GPATCH1: variants seen among roughly 807,000 people sequenced by gnomAD.
The protein encoded by GPATCH1 is G patch domain-containing protein 1.
Under a neutral mutation model 114.9 loss-of-function variants are expected in GPATCH1, and 73 were observed. That is an observed-to-expected ratio of 0.64 (90% CI 0.53 to 0.77). The LOEUF (loss-of-function observed/expected upper bound fraction) is 0.77, where lower values mean the gene tolerates loss of function less well. GPATCH1 is among the 30% of genes least tolerant of loss of function. The probability of loss-of-function intolerance (pLI) is 0.00; values close to 1 mark genes in which losing one functional copy is unlikely to be tolerated. For synonymous variants in GPATCH1, 391 were observed against 428.4 expected, an observed-to-expected ratio of 0.91 and a Z score of 1.08; for missense variants, 1,058 against 1,144.3, an observed-to-expected ratio of 0.92 and a Z score of 1.09.
chr19:33,130,421 T>C lies in GPATCH1; in HGVS notation c.*261T>C, dbSNP rs1458887139. On this transcript the variant is annotated 3_prime_UTR_variant, in exon 20 of 20. Transcript: ENST00000170564. Reference sequence around the variant, plus strand: ...GGAATTTTTCTATTTTCTTCTTGATTTTTAAAAAATTTCCTGGGACGTTAA... The same window carrying C: ...GGAATTTTTCTATTTTCTTCTTGATCTTTAAAAAATTTCCTGGGACGTTAA... The C allele has an allele frequency of 8.3e-6, 3 of 361,908 alleles. No individual in the cohort carries two copies. Among genetic ancestry groups the C allele is most frequent in the Non-Finnish European group, 1.5e-5 (3 of 204,776 alleles). The allele number at this position is 361,908 out of a possible 1,614,324, so 22.4% of individuals were successfully genotyped here. A position where few individuals can be genotyped will look rare whatever the true frequency, so the allele number is the denominator to read the frequency against.
At position 33,093,426 on chromosome 19, in the gene GPATCH1, A is replaced by G. The variant is rs529185780; in HGVS notation, c.362A>G (p.Lys121Arg). The part of the protein sequence containing the change: ...VTTDDFASKT[K>R]DRIREKARQL... ...ACAGACGATTTTGCCTCCAAAACCA[A>G]AGACAGAATACGAGAAAAGGCTAGG... is the stretch of plus-strand genomic sequence containing the variant. Residue 121 changes from lysine to arginine, a missense_variant, in exon 4 of 20, where the codon AAA (lysine) becomes AGA (arginine). Physicochemically the swap from Lys to Arg is conservative, Grantham distance 26. Coordinates refer to ENST00000170564, the MANE Select transcript of GPATCH1 (RefSeq NM_018025.3). 1 of 1,613,988 alleles carries G rather than the reference A, an allele frequency of 6.2e-7. No individual in the cohort carries two copies. The highest frequency in any genetic ancestry group is 1.3e-5 in the African/African-American group (1 of 75,042).
chr19:33,097,693 C>G, intron 7 of GPATCH1, 62 bp from the exon 8 acceptor site: 1 of 1,459,138 alleles, frequency 6.9e-7, no homozygotes, highest in South Asian at 1.2e-5. Flanking sequence ...GTAGCTTTAT[C>G]CCTGAAGATC....
Position 33,093,446 on chromosome 19 carries a change from G to T in GPATCH1, c.382G>T (p.Ala128Ser), listed in dbSNP as rs150894192. ...AACCAAAGACAGAATACGAGAAAAGGCTAGGCAGTTGGCCGCTGCTACTGC... is the reference window on the plus strand; with the variant it reads ...AACCAAAGACAGAATACGAGAAAAGTCTAGGCAGTTGGCCGCTGCTACTGC... ...SKTKDRIREK[A>S]RQLAAATAPI... The change falls in exon 4 of 20, where the codon GCT becomes TCT. Residue 128 changes from alanine to serine, a missense_variant. Ala to Ser is a moderately conservative substitution (Grantham distance 99, BLOSUM62 1). This residue lies in a region of GPATCH1 where 34 missense variants were observed against 59.6 expected (regional missense o/e 0.57). Coordinates refer to ENST00000170564, the MANE Select transcript of GPATCH1 (RefSeq NM_018025.3). 112 of 1,613,802 alleles carry T rather than the reference G, an allele frequency of 6.9e-5. No homozygotes were observed. The highest frequency in any genetic ancestry group is 9.0e-5 in the Non-Finnish European group (106 of 1,179,886).
rs1375943638 is a variant in GPATCH1 at position 33,109,869 on chromosome 19, G to C, written c.1438G>C (p.Ala480Pro). The C allele has an allele frequency of 6.2e-7, 1 of 1,614,172 alleles. No individual in the cohort carries two copies. Among genetic ancestry groups the C allele is most frequent in the East Asian group, 2.2e-5 (1 of 44,882 alleles). ...CAGCAGAGCCCAGCTCTCCCCTGCA[G>C]CGGCTGCTGGGCACTGCTCTTGGAA... ...QSSRAQLSPA[A>P]AAGHCSWNMA... The change falls in exon 11 of 20, where the codon GCG becomes CCG. Residue 480 changes from alanine (A) to proline (P), a missense_variant. Around this residue, in one of 3 missense-constraint regions of GPATCH1, gnomAD observed 893 missense variants for 977.4 expected, o/e 0.91. Transcript: ENST00000170564.
intron 19 of GPATCH1, among the ~76,000 whole-genome samples, chr19:33,128,330 G>A (rs1308335353): frequency 2.0e-5 from 3 of 152,116 alleles, no homozygotes; most frequent in African/African-American, 7.2e-5. Flanking sequence ...GCGCGATCTT[G>A]GCTCACTGCA....
At chr19:33,128,684 C>T (rs916537092) in intron 19 of GPATCH1, among the ~76,000 whole-genome samples, 2 of 146,874 alleles carry the variant, frequency 1.4e-5, no homozygotes, top group African/African-American at 5.4e-5. Flanking sequence ...CTGCTCTTGC[C>T]AGTTTTATCT....
At position 33,117,866 on chromosome 19, in the gene GPATCH1, G is replaced by A. The variant is rs1260939432; in HGVS notation, c.2238G>A (p.Gly746=). ...KDVDAQAEGE[G]SRPSMDLFRA... ...TGGACGCACAGGCTGAAGGAGAAGG[G>A]AGCCGCCCATCCATGGACTTATTCA... Residue 746 remains glycine (G), a synonymous_variant, in exon 16 of 20, where the codon GGG becomes GGA. Transcript: ENST00000170564. 1.9e-6 allele frequency: 3 copies of A among 1,613,818 alleles called. No individual in the cohort carries two copies. The highest frequency in any genetic ancestry group is 2.7e-5 in the African/African-American group (2 of 74,898).
chr19:33,097,721 C>A, intron 7 of GPATCH1, 34 bp from the exon 8 acceptor site: 2 of 1,605,904 alleles, frequency 1.2e-6, no homozygotes, highest in Non-Finnish European at 1.7e-6. Flanking sequence ...TACCCTAACA[C>A]CTGTGCTCAG....
chr19:33,123,489 C>T (rs1973007685), intron 17 of GPATCH1, among the ~76,000 whole-genome samples: 1 of 151,842 alleles, frequency 6.6e-6, no homozygotes, highest in South Asian at 2.1e-4. Context: ...GTAGCTCACA[C>T]ATGTAATCCC....
chr19:33,125,342 C>T, intron 18 of GPATCH1, 140 bp downstream of exon 18: 2 of 916,608 alleles, frequency 2.2e-6, no homozygotes, highest in South Asian at 4.1e-5. Context: ...GAAATGTTGA[C>T]ATTCAATTCA....
At chr19:33,126,377 G>C (rs1399987048) in intron 18 of GPATCH1, among the ~76,000 whole-genome samples, 1 of 152,144 alleles carries the variant, frequency 6.6e-6, no homozygotes, top group Non-Finnish European at 1.5e-5. Flanking sequence ...TCTGTTGCTG[G>C]AGGCGCAGCT....
intron 5 of GPATCH1, 58 bp downstream of exon 5, chr19:33,094,327 T>C: frequency 1.1e-6 from 1 of 905,102 alleles, no homozygotes; most frequent in Non-Finnish European, 1.8e-6. Context: ...TTTTTTTTTT[T>C]TGAGACAGGG....
At chr19:33,083,099 G>A (rs1384983889) in intron 1 of GPATCH1, among the ~76,000 whole-genome samples, 1 of 136,980 alleles carries the variant, frequency 7.3e-6, no homozygotes, top group Admixed American at 7.0e-5. Flanking sequence ...AAATTAGCTG[G>A]GCGTGGTGGG....
In GPATCH1 at chr19:33,117,435, A is replaced by G. The variant is rs375645097; in HGVS notation, c.2197-390A>G. 2.4e-4 allele frequency among the ~76,000 whole-genome samples: 37 copies of G among 152,244 alleles called. 3 individuals are homozygous for G. Among genetic ancestry groups the G allele is most frequent in the African/African-American group, 8.7e-4 (36 of 41,550 alleles). ...TTTGGGGATCCTAGTAGCTGGGATT[A>G]CAGACGCCCACCACCATGCCCAGCT... On this transcript the variant is annotated intron_variant, in intron 15 of 19. Coordinates refer to ENST00000170564, the MANE Select transcript of GPATCH1 (RefSeq NM_018025.3).
In GPATCH1 at chr19:33,094,637, G is replaced by C. The variant is rs201298837; in HGVS notation, c.553+368G>C. Among the ~76,000 whole-genome samples, 19 of 152,276 alleles carry C rather than the reference G, an allele frequency of 1.2e-4. No individual in the cohort carries two copies. The East Asian group carries it at 3.7e-3, about 29-fold the overall frequency. On this transcript the variant is annotated intron_variant, in intron 5 of 19. Coordinates refer to ENST00000170564, the MANE Select transcript of GPATCH1 (RefSeq NM_018025.3). ...ATGCATGACAGCTTCCAGAAAGGCT[G>C]TGCTAGTTTATGCTTCTGCCAGCAG...
intron 19 of GPATCH1, among the ~76,000 whole-genome samples, chr19:33,128,227 G>A (rs948118892): frequency 6.6e-6 from 1 of 151,566 alleles, no homozygotes; most frequent in Non-Finnish European, 1.5e-5. Context: ...AGCTGGGACT[G>A]TAAGTGTGCA....
chr19:33,117,768 C>A, intron 15 of GPATCH1, 57 bp from the exon 16 acceptor site: 1 of 1,213,390 alleles, frequency 8.2e-7, no homozygotes, highest in African/African-American at 1.5e-5. Flanking sequence ...TCTAGAATGT[C>A]TCCTCCCTTT....
chr19:33,106,778 A>C lies in GPATCH1; in HGVS notation c.1164A>C (p.Ser388=), dbSNP rs749417984. 10 of 1,613,972 alleles carry C rather than the reference A, an allele frequency of 6.2e-6. 1 individual carries two copies. In the South Asian group the frequency reaches 1.1e-4, roughly 18 times the overall value. The change falls in exon 10 of 20, where the codon TCA becomes TCC. Residue 388 remains serine (S), a synonymous_variant. Coordinates refer to ENST00000170564, the MANE Select transcript of GPATCH1 (RefSeq NM_018025.3). ...RPMVAATSEN[S]HLLQVLSESA... is the part of the protein sequence containing the mutation. ...TGGTGGCCGCCACCTCCGAGAACTC[A>C]CACTTACTGCAGGTATTATCAGAGT...
At position 33,118,001 on chromosome 19, in the gene GPATCH1, C is replaced by T. The variant is rs1972935720; in HGVS notation, c.2373C>T (p.Ser791=). Reference sequence around the variant, plus strand: ...CTGGGGAGGCCAACTTCCAAAGCTCCCAAGACACTGACTTGGGGGAAACAT... The same window carrying T: ...CTGGGGAGGCCAACTTCCAAAGCTCTCAAGACACTGACTTGGGGGAAACAT... ...AGSGEANFQS[S]QDTDLGETSS... is the part of the protein sequence containing the mutation. The change falls in exon 16 of 20, where the codon TCC becomes TCT. Residue 791 remains serine (S), a synonymous_variant. Coordinates refer to ENST00000170564, the MANE Select transcript of GPATCH1 (RefSeq NM_018025.3). 22 of 1,613,526 alleles carry T rather than the reference C, an allele frequency of 1.4e-5. No individual in the cohort carries two copies. Among genetic ancestry groups the T allele is most frequent in the South Asian group, 2.2e-5 (2 of 91,046 alleles).
Sources: allele counts gnomAD v4.1 joint callset (sites outside exome capture counted in the v4.1 genomes callset), GRCh38; gene constraint gnomAD v4.1.1; regional missense constraint gnomAD v4.1.1; transcripts MANE v1.5; gene names NCBI Gene and HGNC (gene_info 2026-07-23, HGNC 2026-07-21).